Variants in ATXN10 observed in about 807,000 individuals in gnomAD.
ATXN10 encodes the protein ataxin-10.
Under a neutral mutation model 52.9 loss-of-function variants are expected in ATXN10, and 28 were observed. The ratio of observed to expected loss-of-function variants is 0.53; its 90% CI spans 0.39 to 0.73. ATXN10 has a LOEUF of 0.73. ATXN10 is among the 30% of genes least tolerant of loss of function. The pLI is 0.00. For synonymous variants in ATXN10, 226 were observed against 221.5 expected (o/e 1.02, Z -0.18); for missense variants, 565 against 577.0 (o/e 0.98, Z 0.21).
At position 45,825,526 on chromosome 22, in the gene ATXN10, A is replaced by G. The variant is rs1928787142; in HGVS notation, c.1238-17465A>G. 6.6e-6 allele frequency among the ~76,000 whole-genome samples: 1 copy of G among 152,158 alleles called. No homozygotes were observed. Among genetic ancestry groups the G allele is most frequent in the Non-Finnish European group, 1.5e-5 (1 of 68,024 alleles). On this transcript the variant is annotated intron_variant, in intron 10 of 11. Coordinates refer to ENST00000252934, the MANE Select transcript of ATXN10 (RefSeq NM_013236.4). This position sits in a 1 kb window ranked among gnomAD's most constrained non-coding sequence, Gnocchi z 4.5. ...AGCCTGCAACAATCCAGAAATAATA[A>G]TAATAATGAACAGTAACAAAAGTAG... is the stretch of plus-strand genomic sequence containing the variant.
chr22:45,686,743 C>T (rs530224336), intron 1 of ATXN10, among the ~76,000 whole-genome samples: 1 of 151,524 alleles, frequency 6.6e-6, no homozygotes, highest in South Asian at 2.1e-4. Context: ...CACTTGAACC[C>T]AGGAGGTGGA....
chr22:45,781,587 G>A lies in ATXN10; in HGVS notation c.1174-25372G>A, dbSNP rs550870261. 5.9e-5 allele frequency among the ~76,000 whole-genome samples: 9 copies of A among 152,294 alleles called. No homozygotes were observed. Among genetic ancestry groups the A allele is most frequent in the African/African-American group, 1.9e-4 (8 of 41,564 alleles). ...AATTTAAAATCATGGGTTACACTAA[G>A]GACCAGGAAAATCTTAGCTTAAGTG... On this transcript the variant is annotated intron_variant, in intron 9 of 11. Transcript: ENST00000252934. The surrounding 1 kb of genome is among the most constrained non-coding windows in gnomAD (Gnocchi z 4.2).
chr22:45,796,879 A>G (rs1197829556), intron 9 of ATXN10, among the ~76,000 whole-genome samples: 1 of 152,222 alleles, frequency 6.6e-6, no homozygotes, highest in Non-Finnish European at 1.5e-5. Flanking sequence ...AAGATACCTT[A>G]AGAGTGAAAG....
intron 6 of ATXN10, among the ~76,000 whole-genome samples, chr22:45,722,184 C>T (rs1368175322): frequency 6.6e-6 from 1 of 152,208 alleles, no homozygotes; most frequent in East Asian, 1.9e-4. Flanking sequence ...ACCCCTTTAG[C>T]TGGGTCTTTC....
At position 45,727,331 on chromosome 22, in the gene ATXN10, A is replaced by ATATCTATCTATATCTATC. The variant is rs1924914409; in HGVS notation, c.729-2083_729-2082insATCTATCTATCTATCTAT. Among the ~76,000 whole-genome samples, 1 of 146,678 alleles carries ATATCTATCTATATCTATC rather than the reference A, an allele frequency of 6.8e-6. No homozygotes were observed. Among genetic ancestry groups the ATATCTATCTATATCTATC allele is most frequent in the African/African-American group, 2.6e-5 (1 of 39,208 alleles). On this transcript the variant is annotated intron_variant, in intron 6 of 11. Transcript: ENST00000252934. The surrounding 1 kb of genome is among the most constrained non-coding windows in gnomAD (Gnocchi z 4.6). ...GTTCTGTCTGTCTGTCTATCTATCT[A>ATATCTATCTATATCTATC]TATCTATCTATCTATCTATCTATCT...
At position 45,770,723 on chromosome 22, in the gene ATXN10, C is replaced by T. The variant is rs1163847812; in HGVS notation, c.1173+30185C>T. ...ACTGCAGCTGGGCTCAGCCCAGGAT[C>T]TGAAGAGGGCTTCTCAAAGAAAGGG... On this transcript the variant is annotated intron_variant, in intron 9 of 11. Coordinates refer to ENST00000252934, the MANE Select transcript of ATXN10 (RefSeq NM_013236.4). This position sits in a 1 kb window ranked among gnomAD's most constrained non-coding sequence, Gnocchi z 4.5. 2.0e-5 allele frequency among the ~76,000 whole-genome samples: 3 copies of T among 152,224 alleles called. No homozygotes were observed. The highest frequency in any genetic ancestry group is 2.9e-5 in the Non-Finnish European group (2 of 68,042).
Position 45,683,250 on chromosome 22 carries a change from C to A in ATXN10, c.117-6462C>A, listed in dbSNP as rs556945223. On this transcript the variant is annotated intron_variant, in intron 1 of 11. Coordinates refer to ENST00000252934, the MANE Select transcript of ATXN10 (RefSeq NM_013236.4). This position sits in a 1 kb window ranked among gnomAD's most constrained non-coding sequence, Gnocchi z 4.8. ...ATGAGAATTGCTTGAACTTGGGAGG[C>A]GGGGGTTGCAGTGAGCTGAGATCCT... Among the ~76,000 whole-genome samples the A allele has an allele frequency of 6.6e-6, 1 of 152,082 alleles. No individual in the cohort carries two copies. Among genetic ancestry groups the A allele is most frequent in the Non-Finnish European group, 1.5e-5 (1 of 68,002 alleles).
rs1233571487 is a variant in ATXN10 at position 45,728,827 on chromosome 22, A to G, written c.729-598A>G. Among the ~76,000 whole-genome samples the G allele has an allele frequency of 6.6e-6, 1 of 152,216 alleles. No individual in the cohort carries two copies. The highest frequency in any genetic ancestry group is 6.5e-5 in the Admixed American group (1 of 15,280). ...TTCAGATTTGTGTTTGTGTAAACTA[A>G]AATAAATAGTAAAGTTTCACAGTAA... On this transcript the variant is annotated intron_variant, in intron 6 of 11. Coordinates refer to ENST00000252934, the MANE Select transcript of ATXN10 (RefSeq NM_013236.4). This position sits in a 1 kb window ranked among gnomAD's most constrained non-coding sequence, Gnocchi z 4.3.
rs1417377573 is a variant in ATXN10, at chr22:45,780,289, G to T, written c.1174-26670G>T. On this transcript the variant is annotated intron_variant, in intron 9 of 11. Transcript: ENST00000252934. The surrounding 1 kb of genome is among the most constrained non-coding windows in gnomAD (Gnocchi z 4.0). ...AGTAGAGATAGGGTTTCACCATGGT[G>T]GCCAGGCTGGTCTTGAACTCCTGAC... Among the ~76,000 whole-genome samples the T allele has an allele frequency of 1.3e-5, 2 of 152,196 alleles. No homozygotes were observed. Among genetic ancestry groups the T allele is most frequent in the Non-Finnish European group, 2.9e-5 (2 of 68,032 alleles).
intron 5 of ATXN10, among the ~76,000 whole-genome samples, chr22:45,707,633 TTAATATAATATAATATGATA>T (rs983412467): frequency 2.0e-5 from 3 of 148,966 alleles, no homozygotes; most frequent in Admixed American, 6.7e-5. Flanking sequence ...TAAAATCTGT[TTAATATAATATAATATGATA>T]TAATATAATA....
At position 45,681,738 on chromosome 22, in the gene ATXN10, T is replaced by TAA. The variant is rs1302525256; in HGVS notation, c.117-7973_117-7972dup. On this transcript the variant is annotated intron_variant, in intron 1 of 11. Coordinates refer to ENST00000252934, the MANE Select transcript of ATXN10 (RefSeq NM_013236.4). This position sits in a 1 kb window ranked among gnomAD's most constrained non-coding sequence, Gnocchi z 4.2. ...GCTGATCACTAACTAACGTGGCCCTTAATGCTACCTGTCAGTCCCGCTGTT... is the reference window on the plus strand; with the variant it reads ...GCTGATCACTAACTAACGTGGCCCTTAAAATGCTACCTGTCAGTCCCGCTGTT... Among the ~76,000 whole-genome samples the TAA allele has an allele frequency of 1.3e-5, 2 of 152,176 alleles. No individual in the cohort carries two copies. The highest frequency in any genetic ancestry group is 2.9e-5 in the Non-Finnish European group (2 of 68,032).
At position 45,718,956 on chromosome 22, in the gene ATXN10, A is replaced by G. The variant is rs1304563202; in HGVS notation, c.728+463A>G. 6.6e-6 allele frequency among the ~76,000 whole-genome samples: 1 copy of G among 152,154 alleles called. No individual in the cohort carries two copies. Among genetic ancestry groups the G allele is most frequent in the Non-Finnish European group, 1.5e-5 (1 of 68,024 alleles). On this transcript the variant is annotated intron_variant, in intron 6 of 11. Coordinates refer to ENST00000252934, the MANE Select transcript of ATXN10 (RefSeq NM_013236.4). This position sits in a 1 kb window ranked among gnomAD's most constrained non-coding sequence, Gnocchi z 4.4. ...TCACAGTTACTGTAGTAGGAAAAACAGTGACCTAGGAGTTCTAAGACACTG... is the reference window on the plus strand; with the variant it reads ...TCACAGTTACTGTAGTAGGAAAAACGGTGACCTAGGAGTTCTAAGACACTG...
chr22:45,683,311 T>A lies in ATXN10; in HGVS notation c.117-6401T>A, dbSNP rs181484657. ...TCCAGCCTGGGCAACAGAGCAAAACTCTGTCTCAAAAACAAAACGAAAAAA... is the reference window on the plus strand; with the variant it reads ...TCCAGCCTGGGCAACAGAGCAAAACACTGTCTCAAAAACAAAACGAAAAAA... On this transcript the variant is annotated intron_variant, in intron 1 of 11. Transcript: ENST00000252934. This position sits in a 1 kb window ranked among gnomAD's most constrained non-coding sequence, Gnocchi z 4.8. Among the ~76,000 whole-genome samples, 1 of 152,258 alleles carries A rather than the reference T, an allele frequency of 6.6e-6. No homozygotes were observed. Among genetic ancestry groups the A allele is most frequent in the Non-Finnish European group, 1.5e-5 (1 of 68,016 alleles).
rs1569017041 is a variant in ATXN10 at position 45,672,010 on chromosome 22, GTCCTCCTCGCCTTCC to G, written c.-44_-30del. 2.6e-6 allele frequency: 4 copies of G among 1,521,360 alleles called. No individual in the cohort carries two copies. The highest frequency in any genetic ancestry group is 3.5e-6 in the Non-Finnish European group (4 of 1,136,458). The allele number at this position is 1,521,360 out of a possible 1,614,324, so 94.2% of individuals were successfully genotyped here. A position where few individuals can be genotyped will look rare whatever the true frequency, so the allele number is the denominator to read the frequency against. ...TCCCTCCTCGTCATCCTCCCCCTTC[GTCCTCCTCGCCTTCC>G]TCCTCCTCGTCAGGCTCGACCCAGC... On this transcript the variant is annotated 5_prime_UTR_variant, in exon 1 of 12. Coordinates refer to ENST00000252934, the MANE Select transcript of ATXN10 (RefSeq NM_013236.4).
At chr22:45,817,339 TTTTA>T (rs1412980979) in intron 10 of ATXN10, among the ~76,000 whole-genome samples, 3 of 150,916 alleles carry the variant, frequency 2.0e-5, no homozygotes, top group African/African-American at 7.3e-5. Context: ...TTTTTTTTTT[TTTTA>T]AGACAGAGTC....
intron 9 of ATXN10, among the ~76,000 whole-genome samples, chr22:45,746,204 A>G (rs1368418474): frequency 6.6e-6 from 1 of 151,644 alleles, no homozygotes; most frequent in Non-Finnish European, 1.5e-5. Context: ...TACAGTTGTT[A>G]AACATTCATA....
At chr22:45,740,348 A>G (rs374284127) in intron 8 of ATXN10, 21 bp from the exon 9 acceptor site, 1 of 1,613,460 alleles carries the variant, frequency 6.2e-7, no homozygotes, top group Non-Finnish European at 8.5e-7. Flanking sequence ...TGGAAAATGA[A>G]GTTTACTCTT....
rs1039174596 is a variant in ATXN10, at chr22:45,841,406, C to T, written c.1238-1585C>T. Among the ~76,000 whole-genome samples, 3 of 152,238 alleles carry T rather than the reference C, an allele frequency of 2.0e-5. No individual in the cohort carries two copies. The highest frequency in any genetic ancestry group is 7.2e-5 in the African/African-American group (3 of 41,464). On this transcript the variant is annotated intron_variant, in intron 10 of 11. Transcript: ENST00000252934. This position sits in a 1 kb window ranked among gnomAD's most constrained non-coding sequence, Gnocchi z 5.1. ...AGACCAGCAGGTCATTCACTCAGCA[C>T]ATGTTGGTTGGTCCTTTGCTTTGTG... is the stretch of plus-strand genomic sequence containing the variant.
chr22:45,695,263 G>T (rs1395035370), intron 3 of ATXN10, among the ~76,000 whole-genome samples: 2 of 149,618 alleles, frequency 1.3e-5, no homozygotes, highest in Non-Finnish European at 3.0e-5. Flanking sequence ...GGCAGAGCTT[G>T]CAGTGAGCCG....
Sources: allele counts gnomAD v4.1 joint callset (sites outside exome capture counted in the v4.1 genomes callset), GRCh38; gene constraint gnomAD v4.1.1; non-coding constraint Gnocchi (gnomAD v3.1); transcripts MANE v1.5; gene names NCBI Gene and HGNC (gene_info 2026-07-23, HGNC 2026-07-21).